Variants in PLCB4 observed in about 807,000 individuals in gnomAD.
PLCB4 encodes the protein 1-phosphatidylinositol 4,5-bisphosphate phosphodiesterase beta-4.
A neutral mutation model predicts 178.8 loss-of-function variants in PLCB4; 77 were observed. The observed-to-expected ratio is 0.43, with a 90% CI of 0.36 to 0.52. The LOEUF is 0.52. Among genes scored for constraint, PLCB4 ranks in the 20% least tolerant of loss-of-function variants. The pLI is 0.00. For missense variants in PLCB4, 1,024 were observed against 1,453.4 expected (o/e 0.70, Z 4.80); for synonymous variants, 496 against 490.8 (o/e 1.01, Z -0.14).
intron 6 of PLCB4, 134 bp from the exon 7 acceptor site, chr20:9,338,760 G>A: frequency 1.5e-6 from 1 of 651,154 alleles, no homozygotes; most frequent in South Asian, 2.0e-5. Flanking sequence ...ACCTCTACAG[G>A]TTTTAGAATA....
At chr20:9,334,767 A>G (rs960541138) in intron 4 of PLCB4, among the ~76,000 whole-genome samples, 3 of 152,056 alleles carry the variant, frequency 2.0e-5, no homozygotes, top group African/African-American at 7.2e-5. Context: ...GGGATATTTG[A>G]CTTTGCAAAG....
chr20:9,284,586 C>T (rs760385486), intron 3 of PLCB4, among the ~76,000 whole-genome samples: 3 of 151,834 alleles, frequency 2.0e-5, no homozygotes, highest in Non-Finnish European at 4.4e-5. Context: ...TGATCTTTTT[C>T]GTCCCTGTCC....
At chr20:9,336,652 T>C (rs1264370915) in intron 4 of PLCB4, among the ~76,000 whole-genome samples, 1 of 151,294 alleles carries the variant, frequency 6.6e-6, no homozygotes, top group Non-Finnish European at 1.5e-5. Context: ...CTGTTCAAGA[T>C]GCGCTTTACA....
chr20:9,451,507 T>C (rs527448988), intron 32 of PLCB4, among the ~76,000 whole-genome samples: 1 of 152,314 alleles, frequency 6.6e-6, no homozygotes, highest in South Asian at 2.1e-4. Context: ...CATAATGATT[T>C]CTAAATCTTA....
chr20:9,119,488 G>A (rs1263408975), intron 2 of PLCB4, among the ~76,000 whole-genome samples: 1 of 147,360 alleles, frequency 6.8e-6, no homozygotes, highest in African/African-American at 2.5e-5. Context: ...ACTTATCTTA[G>A]TCTCTCTTAC....
chr20:9,428,099 A>G (rs2041152850), intron 28 of PLCB4, among the ~76,000 whole-genome samples: 2 of 152,242 alleles, frequency 1.3e-5, no homozygotes, highest in African/African-American at 4.8e-5. Context: ...TTACAAAGAT[A>G]GTTGACTGTT....
At chr20:9,151,707 A>T (rs1356400214) in intron 2 of PLCB4, among the ~76,000 whole-genome samples, 1 of 152,118 alleles carries the variant, frequency 6.6e-6, no homozygotes, top group Admixed American at 6.5e-5. Context: ...AAACTAATAC[A>T]GTAAATTGGT....
Position 9,405,321 on chromosome 20 carries a change from T to A in PLCB4, c.1620T>A (p.Asp540Glu). The A allele has an allele frequency of 6.5e-7, 1 of 1,548,036 alleles. No individual in the cohort carries two copies. The highest frequency in any genetic ancestry group is 2.3e-5 in the East Asian group (1 of 43,214). Residue 540 changes from aspartate to glutamate, a missense_variant, in exon 21 of 40, where the codon GAT (aspartate) becomes GAA (glutamate). Transcript: ENST00000378473. ...TTCCTTTCTCTAATTAGGCTTCAGA[T>A]GACCTTGAACATGAAAACAACAAAA... The part of the protein sequence containing the change: ...AVANSVKKAS[D>E]DLEHENNKKG...
intron 1 of PLCB4, among the ~76,000 whole-genome samples, chr20:9,085,054 A>AC: frequency 7.8e-6 from 1 of 128,488 alleles, no homozygotes; most frequent in African/African-American, 2.7e-5. Context: ...CTCCATCTCA[A>AC]AAAAAAAAAA....
intron 3 of PLCB4, among the ~76,000 whole-genome samples, chr20:9,225,673 G>A (rs370633621): frequency 3.9e-5 from 6 of 152,274 alleles, no homozygotes; most frequent in African/African-American, 1.2e-4. Flanking sequence ...ACACTCCCAT[G>A]TTAAATTGGG....
chr20:9,170,726 G>A (rs1358963312), intron 2 of PLCB4, among the ~76,000 whole-genome samples: 2 of 152,108 alleles, frequency 1.3e-5, no homozygotes, highest in Non-Finnish European at 2.9e-5. Context: ...TTACCTTCAG[G>A]TACCTAACAA....
intron 4 of PLCB4, among the ~76,000 whole-genome samples, chr20:9,315,361 C>A (rs566752857): frequency 1.3e-5 from 2 of 152,290 alleles, no homozygotes; most frequent in South Asian, 4.2e-4. Flanking sequence ...AACCACTGCT[C>A]TAGAAGGCTG....
intron 13 of PLCB4, among the ~76,000 whole-genome samples, chr20:9,383,977 T>C (rs2037367053): frequency 6.6e-6 from 1 of 152,222 alleles, no homozygotes; most frequent in African/African-American, 2.4e-5. Context: ...TCTGCCATCA[T>C]GGATGTAAAA....
At chr20:9,272,930 A>G (rs1036482523) in intron 3 of PLCB4, among the ~76,000 whole-genome samples, 1 of 149,256 alleles carries the variant, frequency 6.7e-6, no homozygotes, top group African/African-American at 2.5e-5. Flanking sequence ...GGTACCTAGC[A>G]GTGTTGGATA....
chr20:9,329,332 A>G lies in PLCB4; in HGVS notation c.85-7794A>G, dbSNP rs150888419. On this transcript the variant is annotated intron_variant, in intron 4 of 39. Coordinates refer to ENST00000378473, the MANE Select transcript of PLCB4 (RefSeq NM_001377142.1). ...GCCTTGCCGAAGACTCCTTGTACTG[A>G]CACTATCTGCCTAATAATTTCTTTC... is the stretch of plus-strand genomic sequence containing the variant. Among the ~76,000 whole-genome samples, 731 of 152,302 alleles carry G rather than the reference A, an allele frequency of 4.8e-3. 11 individuals are homozygous for G. Among genetic ancestry groups the G allele is most frequent in the African/African-American group, 0.017 (701 of 41,558 alleles).
intron 4 of PLCB4, among the ~76,000 whole-genome samples, chr20:9,336,482 G>C (rs566857370): frequency 6.6e-6 from 1 of 152,018 alleles, no homozygotes; most frequent in Non-Finnish European, 1.5e-5. Flanking sequence ...GTGTGTGTTC[G>C]AATCTTCTAG....
intron 9 of PLCB4, among the ~76,000 whole-genome samples, chr20:9,366,634 C>T (rs149122255): frequency 5.3e-5 from 8 of 152,302 alleles, no homozygotes; most frequent in Admixed American, 1.3e-4. Context: ...CTTTACCAAA[C>T]TCTTCAGTAC....
intron 2 of PLCB4, among the ~76,000 whole-genome samples, chr20:9,137,325 T>TAG (rs1288486272): frequency 6.6e-6 from 1 of 152,018 alleles, no homozygotes; most frequent in East Asian, 1.9e-4. Flanking sequence ...ATGAAACAGC[T>TAG]AGAGATGTTA....
chr20:9,390,775 A>G (rs1195002711), intron 17 of PLCB4, among the ~76,000 whole-genome samples, 160 bp downstream of exon 17: 1 of 152,198 alleles, frequency 6.6e-6, no homozygotes, highest in Non-Finnish European at 1.5e-5. Flanking sequence ...GGATGTAAAG[A>G]GACACAAAAT....
Sources: allele counts gnomAD v4.1 joint callset (sites outside exome capture counted in the v4.1 genomes callset), GRCh38; gene constraint gnomAD v4.1.1; transcripts MANE v1.5; gene names NCBI Gene and HGNC (gene_info 2026-07-23, HGNC 2026-07-21).